The following KHDRBS2 variants were observed in gnomAD, a reference collection of about 807,000 sequenced individuals.
KHDRBS2 encodes the protein KH domain-containing, RNA-binding, signal transduction-associated protein 2.
KHDRBS2 carries 26 observed loss-of-function variants against 44.3 expected under a neutral mutation model. The ratio of observed to expected loss-of-function variants is 0.59; its 90% confidence interval spans 0.43 to 0.81. The LOEUF (loss-of-function observed/expected upper bound fraction) is 0.81, where lower values mean the gene tolerates loss of function less well. KHDRBS2 is among the 40% of genes least tolerant of loss of function. KHDRBS2 has a pLI of 0.00. For synonymous variants in KHDRBS2, 194 were observed against 151.1 expected (o/e 1.28, Z -2.08); for missense variants, 476 against 433.1 (o/e 1.10, Z -0.88).
At chr6:61,976,125 T>A (rs1037334833) in intron 4 of KHDRBS2, among the ~76,000 whole-genome samples, 1 of 152,158 alleles carries the variant, frequency 6.6e-6, no homozygotes, top group Non-Finnish European at 1.5e-5. Context: ...ATATGGTGCA[T>A]CTTGACTGTG....
intron 3 of KHDRBS2, among the ~76,000 whole-genome samples, chr6:62,041,115 G>A (rs1188275644): frequency 6.6e-6 from 1 of 152,056 alleles, no homozygotes; most frequent in Admixed American, 6.6e-5. Context: ...CAGATCACCT[G>A]AGGTCGGGAG....
the KHDRBS2 span, among the ~76,000 whole-genome samples, chr6:61,548,760 A>T: frequency 6.6e-6 from 1 of 152,168 alleles, no homozygotes; most frequent in African/African-American, 2.4e-5. Context: ...CCATCACCAC[A>T]GATAAGTTCT....
At chr6:61,951,646 G>A (rs547158930) in intron 4 of KHDRBS2, among the ~76,000 whole-genome samples, 5 of 152,080 alleles carry the variant, frequency 3.3e-5, no homozygotes, top group South Asian at 2.1e-4. Flanking sequence ...GTACTTTAAC[G>A]AATTCAAAGA....
At chr6:61,724,627 C>G (rs1417919150) in intron 7 of KHDRBS2, among the ~76,000 whole-genome samples, 1 of 151,988 alleles carries the variant, frequency 6.6e-6, no homozygotes, top group Non-Finnish European at 1.5e-5. Context: ...ATTTACCAAG[C>G]AAACGGAAAA....
At chr6:61,613,300 T>C in the KHDRBS2 span, among the ~76,000 whole-genome samples, 2 of 152,230 alleles carry the variant, frequency 1.3e-5, no homozygotes, top group African/African-American at 4.8e-5. Context: ...TACTAGTTGC[T>C]CAGTAAATAT....
chr6:62,216,602 G>C (rs1188737989), intron 1 of KHDRBS2, among the ~76,000 whole-genome samples: 2 of 151,484 alleles, frequency 1.3e-5, no homozygotes, highest in Admixed American at 1.3e-4. Flanking sequence ...GATGCACTGA[G>C]ATGGTGGTGG....
chr6:61,746,332 T>G (rs1010106201), intron 6 of KHDRBS2, among the ~76,000 whole-genome samples: 1 of 152,036 alleles, frequency 6.6e-6, no homozygotes, highest in Non-Finnish European at 1.5e-5. Context: ...GACAGGCCAC[T>G]GTGTGTGATG....
chr6:61,670,451 C>T, the KHDRBS2 span, among the ~76,000 whole-genome samples: 29,142 of 151,260 alleles, frequency 0.19, 2,964 homozygotes, highest in African/African-American at 0.23. Flanking sequence ...TAATTATTTA[C>T]TGGTCAATAA....
At position 62,084,245 on chromosome 6, in the gene KHDRBS2, T is replaced by C. The variant is rs1382859612; in HGVS notation, c.220-36251A>G. On this transcript the variant is annotated intron_variant, in intron 2 of 8. Coordinates refer to ENST00000281156, the MANE Select transcript of KHDRBS2 (RefSeq NM_152688.4). ...AAGAAAAATGAAGGAGATGGTTTAA[T>C]GTCTTCCGTCTTCATCTTCATGGAC... 8.5e-5 allele frequency among the ~76,000 whole-genome samples: 13 copies of C among 152,286 alleles called. No homozygotes were observed. In the East Asian group the frequency reaches 2.5e-3, roughly 29 times the overall value.
intron 2 of KHDRBS2, among the ~76,000 whole-genome samples, chr6:62,065,684 G>A (rs1793475590): frequency 5.4e-5 from 8 of 146,988 alleles, no homozygotes; most frequent in Non-Finnish European, 7.5e-5. Context: ...CCTAATGCTA[G>A]ATGACGAGTT....
chr6:61,707,299 A>G lies in KHDRBS2; in HGVS notation c.894-10046T>C, dbSNP rs576372206. ...CTACTCCATGTCCACCCCTAAGTGC[A>G]GTCTTTCCCAAAGTTGTATCATGAA... On this transcript the variant is annotated intron_variant, in intron 7 of 8. Coordinates refer to ENST00000281156, the MANE Select transcript of KHDRBS2 (RefSeq NM_152688.4). Among the ~76,000 whole-genome samples, 259 of 151,892 alleles carry G rather than the reference A, an allele frequency of 1.7e-3. 1 individual carries two copies. The highest frequency in any genetic ancestry group is 5.8e-3 in the African/African-American group (242 of 41,502).
chr6:61,556,524 G>A, the KHDRBS2 span, among the ~76,000 whole-genome samples: 6 of 152,126 alleles, frequency 3.9e-5, no homozygotes, highest in Non-Finnish European at 5.9e-5. Flanking sequence ...CATTCTTCTT[G>A]AGAAAATGCC....
intron 2 of KHDRBS2, among the ~76,000 whole-genome samples, chr6:62,126,447 C>T (rs1230433723): frequency 1.3e-5 from 2 of 152,172 alleles, no homozygotes; most frequent in Admixed American, 1.3e-4. Context: ...GATGGGTTCA[C>T]CACCTGCTGA....
chr6:62,136,416 G>T (rs1268906084), intron 2 of KHDRBS2, among the ~76,000 whole-genome samples: 3 of 152,120 alleles, frequency 2.0e-5, no homozygotes, highest in Non-Finnish European at 2.9e-5. Context: ...TCAATCAGGT[G>T]ATACGCTCCT....
At chr6:61,963,887 T>G (rs1192456) in intron 4 of KHDRBS2, among the ~76,000 whole-genome samples, 113,015 of 151,828 alleles carry the variant, frequency 0.74, 42,413 homozygotes, top group African/African-American at 0.85. Context: ...ATATTAAAAA[T>G]TAAGCTGAGG....
intron 6 of KHDRBS2, among the ~76,000 whole-genome samples, chr6:61,792,550 A>T (rs1192070): frequency 0.23 from 35,241 of 151,478 alleles, 4,746 homozygotes; most frequent in South Asian, 0.36. Flanking sequence ...TATGTGGTAT[A>T]CATAGAGTAT....
chr6:61,848,505 A>ATG (rs1794825590), intron 6 of KHDRBS2, among the ~76,000 whole-genome samples: 3 of 57,714 alleles, frequency 5.2e-5, no homozygotes, highest in Non-Finnish European at 6.4e-5. Context: ...ATATATATAT[A>ATG]TATATGTATA....
chr6:61,566,751 A>C, the KHDRBS2 span, among the ~76,000 whole-genome samples: 1 of 152,178 alleles, frequency 6.6e-6, no homozygotes, highest in African/African-American at 2.4e-5. Context: ...CTATGTTTTC[A>C]ATAATTTATT....
intron 6 of KHDRBS2, among the ~76,000 whole-genome samples, chr6:61,765,289 CA>C (rs1250667833): frequency 1.3e-5 from 2 of 151,796 alleles, no homozygotes; most frequent in African/African-American, 4.8e-5. Context: ...TAGCTCAACA[CA>C]AAAAAAGTTA....
Sources: gnomAD v4.1 joint callset for allele counts (sites outside exome capture counted in the v4.1 genomes callset) on GRCh38, gnomAD v4.1.1 for gene constraint, MANE v1.5 for transcripts, NCBI Gene and HGNC (gene_info 2026-07-23, HGNC 2026-07-21) for gene names.